The following LTBP1 variants were observed in gnomAD, a reference collection of about 807,000 sequenced individuals.
The protein encoded by LTBP1 is latent-transforming growth factor beta-binding protein 1.
A neutral mutation model predicts 207.6 loss-of-function variants in LTBP1; 129 were observed. That is an observed-to-expected ratio of 0.62 (90% CI 0.54 to 0.72). The LOEUF (loss-of-function observed/expected upper bound fraction) is 0.72. Among genes scored for constraint, LTBP1 ranks in the 30% least tolerant of loss-of-function variants. The pLI is 0.00. For synonymous variants in LTBP1, 963 were observed against 833.7 expected (o/e 1.16, Z -2.67); for missense variants, 2,281 against 2,217.2 (o/e 1.03, Z -0.58).
chr2:33,039,775 G>A (rs1198130559), intron 3 of LTBP1, among the ~76,000 whole-genome samples: 1 of 152,098 alleles, frequency 6.6e-6, no homozygotes, highest in African/African-American at 2.4e-5. Flanking sequence ...ATCTGAGTTG[G>A]AATTTGATAA....
rs533908816 is a variant in LTBP1 at position 33,347,067 on chromosome 2, G to A, written c.3857-300G>A. Reference sequence around the variant, plus strand: ...CGGGAGGCAGAGCTTGCAGTGAGCCGAGATCGCGCCTCTGCACTCCAGCCT... The same window carrying A: ...CGGGAGGCAGAGCTTGCAGTGAGCCAAGATCGCGCCTCTGCACTCCAGCCT... On this transcript the variant is annotated intron_variant, in intron 25 of 33. Coordinates refer to ENST00000404816, the MANE Select transcript of LTBP1 (RefSeq NM_206943.4). Among the ~76,000 whole-genome samples, 43 of 141,322 alleles carry A rather than the reference G, an allele frequency of 3.0e-4. 1 individual carries two copies. In the South Asian group the frequency reaches 8.7e-3, roughly 29 times the overall value. 92.7% of individuals were successfully genotyped at this position (141,322 alleles called of 152,430 possible). A position where few individuals can be genotyped will look rare whatever the true frequency, so the allele number is the denominator to read the frequency against.
At chr2:33,021,411 A>G (rs1167152071) in intron 3 of LTBP1, among the ~76,000 whole-genome samples, 1 of 152,194 alleles carries the variant, frequency 6.6e-6, no homozygotes, top group East Asian at 1.9e-4. Flanking sequence ...TAGCCTCTGC[A>G]GGAAATTTTA....
chr2:32,978,075 A>G (rs1418365191), intron 2 of LTBP1, among the ~76,000 whole-genome samples: 1 of 152,126 alleles, frequency 6.6e-6, no homozygotes, highest in Non-Finnish European at 1.5e-5. Context: ...ATATCCTGCA[A>G]CTTTACTGAA....
At position 33,363,641 on chromosome 2, in the gene LTBP1, G is replaced by A. The variant is rs1010546432; in HGVS notation, c.4399+123G>A. The A allele has an allele frequency of 3.4e-5, 37 of 1,080,182 alleles. No individual in the cohort carries two copies. In the Admixed American group the frequency reaches 4.5e-4, roughly 13 times the overall value. The allele number at this position is 1,080,182 out of a possible 1,614,324, so 66.9% of individuals were successfully genotyped here. A position where few individuals can be genotyped will look rare whatever the true frequency, so the allele number is the denominator to read the frequency against. ...TCATGTGTTGAAAAGATGTGTAAAC[G>A]TTTTAGGGATCTTTTTCTTAAGCAC... On this transcript the variant is annotated intron_variant, in intron 29 of 33. Transcript: ENST00000404816.
At chr2:33,298,894 A>G (rs1051215997) in intron 20 of LTBP1, among the ~76,000 whole-genome samples, 2 of 152,192 alleles carry the variant, frequency 1.3e-5, no homozygotes, top group Admixed American at 6.5e-5. Flanking sequence ...TTCAGTAGCA[A>G]TTTCAACTAT....
intron 2 of LTBP1, among the ~76,000 whole-genome samples, chr2:33,010,721 C>CTTT (rs1256189915): frequency 3.7e-5 from 5 of 134,832 alleles, no homozygotes; most frequent in African/African-American, 5.5e-5. Context: ...GATTTTAATC[C>CTTT]TTTTTTTTTT....
At chr2:33,092,179 GCACACACACACACACGCGCA>G (rs2079133084) in intron 3 of LTBP1, among the ~76,000 whole-genome samples, 1 of 148,012 alleles carries the variant, frequency 6.8e-6, no homozygotes, top group Admixed American at 6.7e-5. Context: ...ACGTGCGCAT[GCACACACACACACACGCGCA>G]CACACACACA....
At chr2:33,124,438 G>A (rs2081325759) in intron 4 of LTBP1, among the ~76,000 whole-genome samples, 1 of 152,108 alleles carries the variant, frequency 6.6e-6, no homozygotes, top group African/African-American at 2.4e-5. Flanking sequence ...CAAATGCAGA[G>A]TAAACCTTTC....
intron 19 of LTBP1, chr2:33,285,832 C>G (rs563744400): frequency 1.3e-5 from 2 of 151,802 alleles, no homozygotes; most frequent in South Asian, 2.1e-4. Flanking sequence ...GCCCACCCTG[C>G]TTAGCTTCCA....
At chr2:33,023,912 A>G (rs999895631) in intron 3 of LTBP1, among the ~76,000 whole-genome samples, 1 of 152,226 alleles carries the variant, frequency 6.6e-6, no homozygotes, top group African/African-American at 2.4e-5. Flanking sequence ...TATCTTTCAG[A>G]TTGCCTATTT....
chr2:33,128,607 C>G (rs970500039), intron 4 of LTBP1, among the ~76,000 whole-genome samples: 2 of 152,232 alleles, frequency 1.3e-5, no homozygotes, highest in Admixed American at 6.5e-5. Flanking sequence ...GGCTTTCCCC[C>G]TTGGGAGACA....
chr2:33,257,423 T>C lies in LTBP1; in HGVS notation c.2307T>C (p.Thr769=). ...ACACTCAACCTGTTGCTAAAAGTAC[T>C]CATCCTCCACCTCTCCCAGCCAAGG... ...PKNTQPVAKS[T]HPPPLPAKEE... The change falls in exon 12 of 34, where the codon ACT becomes ACC. Residue 769 remains threonine, a synonymous_variant. Coordinates refer to ENST00000404816, the MANE Select transcript of LTBP1 (RefSeq NM_206943.4). 1 of 1,614,232 alleles carries C rather than the reference T, an allele frequency of 6.2e-7. No individual in the cohort carries two copies.
chr2:33,281,720 T>A (rs1238253514), intron 19 of LTBP1, among the ~76,000 whole-genome samples: 2 of 152,210 alleles, frequency 1.3e-5, no homozygotes, highest in African/African-American at 4.8e-5. Flanking sequence ...TGAGATGTAG[T>A]CTTTGAAGAA....
intron 2 of LTBP1, among the ~76,000 whole-genome samples, chr2:32,973,388 T>C (rs1048154971): frequency 1.3e-5 from 2 of 152,216 alleles, no homozygotes; most frequent in African/African-American, 2.4e-5. Context: ...TTTACCAGTA[T>C]GTAATGCTCT....
intron 26 of LTBP1, among the ~76,000 whole-genome samples, chr2:33,358,183 T>C (rs1242853308): frequency 6.6e-6 from 1 of 152,074 alleles, no homozygotes; most frequent in Non-Finnish European, 1.5e-5. Flanking sequence ...TGTATAAACA[T>C]TGAACTTTCA....
chr2:33,100,203 G>A (rs1016034244), intron 3 of LTBP1, among the ~76,000 whole-genome samples: 1 of 152,230 alleles, frequency 6.6e-6, no homozygotes, highest in Admixed American at 6.5e-5. Context: ...GAGACTGACA[G>A]CTCATGCTGT....
chr2:33,022,558 A>T (rs894544867), intron 3 of LTBP1, among the ~76,000 whole-genome samples: 12 of 152,206 alleles, frequency 7.9e-5, no homozygotes, highest in African/African-American at 2.4e-4. Context: ...CATTTTACAG[A>T]TGAGAAGACT....
At chr2:33,315,105 A>ATT (rs3216704) in intron 23 of LTBP1, 39 bp from the exon 24 acceptor site, 9 of 1,566,550 alleles carry the variant, frequency 5.7e-6, no homozygotes, top group Non-Finnish European at 5.2e-6. Context: ...AATGAAACCG[A>ATT]TTTTTTTCAA....
At chr2:33,002,419 G>A (rs1386096282) in intron 2 of LTBP1, among the ~76,000 whole-genome samples, 1 of 152,182 alleles carries the variant, frequency 6.6e-6, no homozygotes, top group Non-Finnish European at 1.5e-5. Context: ...GTGTGAGGCT[G>A]GCTGGCTGCT....
Sources: allele counts gnomAD v4.1 joint callset (sites outside exome capture counted in the v4.1 genomes callset), GRCh38; gene constraint gnomAD v4.1.1; transcripts MANE v1.5; gene names NCBI Gene and HGNC (gene_info 2026-07-23, HGNC 2026-07-21).